The following PADI6 variants were observed in gnomAD, a reference collection of about 807,000 sequenced individuals.
The protein encoded by PADI6 is inactive protein-arginine deiminase type-6.
PADI6 carries 66 observed loss-of-function variants against 78.2 expected under a neutral mutation model. The observed-to-expected ratio is 0.84, with a 90% CI of 0.69 to 1.04. PADI6 has a LOEUF of 1.04. Among genes scored for constraint, PADI6 ranks in the 50% least tolerant of loss-of-function variants. The pLI is 0.00. For synonymous variants in PADI6, 397 were observed against 346.9 expected (o/e 1.14, Z -1.60); for missense variants, 854 against 866.1 (o/e 0.99, Z 0.18).
chr1:17,385,905 C>T (rs896447405), intron 6 of PADI6, among the ~76,000 whole-genome samples: 5 of 152,300 alleles, frequency 3.3e-5, no homozygotes, highest in African/African-American at 1.2e-4. Flanking sequence ...AAAAGCTCAG[C>T]TCAAATCATC....
chr1:17,386,394 A>G (rs1478919160), intron 6 of PADI6, among the ~76,000 whole-genome samples: 1 of 152,132 alleles, frequency 6.6e-6, no homozygotes, highest in Non-Finnish European at 1.5e-5. Flanking sequence ...ACAGACTGTG[A>G]CCCTCTCGCC....
At chr1:17,383,985 C>T (rs60551929) in intron 6 of PADI6, among the ~76,000 whole-genome samples, 1,582 of 151,598 alleles carry the variant, frequency 0.01, 29 homozygotes, top group African/African-American at 0.036. Flanking sequence ...CACATCTCTA[C>T]TAAAAAATAC....
chr1:17,388,579 G>T lies in PADI6; in HGVS notation c.858+20G>T. 2.5e-6 allele frequency: 4 copies of T among 1,588,594 alleles called. No individual in the cohort carries two copies. Among genetic ancestry groups the T allele is most frequent in the East Asian group, 2.2e-5 (1 of 44,632 alleles). The stretch of plus-strand genomic sequence containing the variant: ...GACCCGGTATGTCCCCATAATAGAT[G>T]GGTCCTCAGACTAGGATGCTCCGGT... On this transcript the variant is annotated intron_variant, in intron 7 of 15. Transcript: ENST00000619609.
chr1:17,373,560 C>T (rs902487313), intron 2 of PADI6, among the ~76,000 whole-genome samples: 2 of 151,840 alleles, frequency 1.3e-5, no homozygotes, highest in East Asian at 1.9e-4. Context: ...GGCACAATCT[C>T]AGCTCACTGC....
Position 17,401,306 on chromosome 1 carries a change from G to A in PADI6, c.1953G>A (p.Leu651=), listed in dbSNP as rs768470211. ...CCLEEKICCL[L]EPLGFKCTFI... ...TGGAAGAAAAGATTTGCTGCTTGCT[G>A]GAGCCCCTGGGCTTCAAGTGCACCT... The change falls in exon 16 of 16, where the codon CTG becomes CTA. Residue 651 remains leucine, a synonymous_variant. Coordinates refer to ENST00000619609, the MANE Select transcript of PADI6 (RefSeq NM_207421.4). 5.0e-5 allele frequency: 80 copies of A among 1,613,966 alleles called. No individual in the cohort carries two copies. The highest frequency in any genetic ancestry group is 4.3e-4 in the African/African-American group (32 of 74,950).
In PADI6 at chr1:17,388,368, C is replaced by T. The variant is rs142556606; in HGVS notation, c.680-13C>T. 7 of 1,598,948 alleles carry T rather than the reference C, an allele frequency of 4.4e-6. No individual in the cohort carries two copies. Among genetic ancestry groups the T allele is most frequent in the Middle Eastern group, 1.7e-4 (1 of 5,894 alleles). On this transcript the variant is annotated splice_polypyrimidine_tract_variant and intron_variant, in intron 6 of 15. Transcript: ENST00000619609. ...TACTTCAGTGGCTGGTCCATCCCTT[C>T]TTTCTCTCCTAGAAGACAACTCCAG...
chr1:17,373,046 G>C lies in PADI6; in HGVS notation c.117-10G>C. The C allele has an allele frequency of 6.2e-7, 1 of 1,612,058 alleles. No homozygotes were observed. The highest frequency in any genetic ancestry group is 1.1e-5 in the South Asian group (1 of 91,026). ...GTGCCCTGACGCGTGTCTCTTACCG[G>C]GCAAACCAGGTGTGCCCCCCAGAAG... On this transcript the variant is annotated splice_polypyrimidine_tract_variant and intron_variant, in intron 1 of 15. Coordinates refer to ENST00000619609, the MANE Select transcript of PADI6 (RefSeq NM_207421.4).
intron 8 of PADI6, among the ~76,000 whole-genome samples, chr1:17,390,120 T>TAA (rs1340618608): frequency 2.6e-5 from 4 of 151,358 alleles, no homozygotes; most frequent in Middle Eastern, 3.4e-3. Context: ...GCCAACATGG[T>TAA]AAAACCCCGT....
At chr1:17,390,112 C>CA (rs1461895967) in intron 8 of PADI6, among the ~76,000 whole-genome samples, 1 of 151,744 alleles carries the variant, frequency 6.6e-6, no homozygotes, top group African/African-American at 2.4e-5. Flanking sequence ...CCAGCCTGGC[C>CA]AACATGGTAA....
At chr1:17,376,741 G>C (rs1039502193) in intron 3 of PADI6, among the ~76,000 whole-genome samples, 1 of 152,006 alleles carries the variant, frequency 6.6e-6, no homozygotes, top group Non-Finnish European at 1.5e-5. Context: ...TCTTCCTGAG[G>C]AGCCATCTGT....
At position 17,395,013 on chromosome 1, in the gene PADI6, C is replaced by A. The variant is rs771218817; in HGVS notation, c.1400C>A (p.Ala467Glu). 1 of 1,613,618 alleles carries A rather than the reference C, an allele frequency of 6.2e-7. No individual in the cohort carries two copies. The highest frequency in any genetic ancestry group is 8.5e-7 in the Non-Finnish European group (1 of 1,179,900). Residue 467 changes from alanine (A) to glutamate (E), a missense_variant, in exon 12 of 16, where the codon GCG becomes GAG. By Grantham distance (107) the Ala-to-Glu change is moderately radical (BLOSUM62 -1). Transcript: ENST00000619609. ...RDFLYAQQVQ[A>E]PVELYSDWLM... ...TTCCTCTATGCCCAGCAGGTCCAAGCGCCGGTGGAGCTCTACTCAGATTGG... is the reference window on the plus strand; with the variant it reads ...TTCCTCTATGCCCAGCAGGTCCAAGAGCCGGTGGAGCTCTACTCAGATTGG...
chr1:17,372,426 C>T (rs1016130309), intron 1 of PADI6, 65 bp downstream of exon 1: 9 of 1,453,960 alleles, frequency 6.2e-6, no homozygotes, highest in Non-Finnish European at 8.7e-6. Context: ...GGACCCAGTC[C>T]CCTTGATCTG....
At chr1:17,400,792 C>T (rs938267794) in intron 15 of PADI6, among the ~76,000 whole-genome samples, 1 of 152,150 alleles carries the variant, frequency 6.6e-6, no homozygotes, top group Non-Finnish European at 1.5e-5. Context: ...TGGGTGTCTT[C>T]TAACTTGATC....
At chr1:17,383,216 T>C (rs567901680) in intron 6 of PADI6, among the ~76,000 whole-genome samples, 2 of 152,186 alleles carry the variant, frequency 1.3e-5, no homozygotes, top group Non-Finnish European at 2.9e-5. Context: ...CCCCTGCCAC[T>C]TCCTGGTCTA....
chr1:17,388,472 C>G lies in PADI6; in HGVS notation c.771C>G (p.Phe257Leu), dbSNP rs767003759. The part of the protein sequence containing the change: ...ALLGNHLKET[F>L]YVEAIAFPSA... Reference sequence around the variant, plus strand: ...TCGGGAACCACTTGAAGGAGACTTTCTACGTTGAAGCTATAGCATTCCCAT... The same window carrying G: ...TCGGGAACCACTTGAAGGAGACTTTGTACGTTGAAGCTATAGCATTCCCAT... The change falls in exon 7 of 16, where the codon TTC becomes TTG. Residue 257 changes from phenylalanine to leucine, a missense_variant. Transcript: ENST00000619609. 1 of 1,613,680 alleles carries G rather than the reference C, an allele frequency of 6.2e-7. No homozygotes were observed.
chr1:17,400,223 A>G (rs1053746670), intron 15 of PADI6, among the ~76,000 whole-genome samples: 1 of 142,184 alleles, frequency 7.0e-6, no homozygotes, highest in Non-Finnish European at 1.5e-5. Flanking sequence ...AAAAAAAAAA[A>G]CATTCTGGGG....
At chr1:17,372,952 A>G in intron 1 of PADI6, 104 bp from the exon 2 acceptor site, 1 of 1,217,092 alleles carries the variant, frequency 8.2e-7, no homozygotes, top group Non-Finnish European at 1.2e-6. Context: ...TCAACACCCT[A>G]AGGAGAATGA....
intron 6 of PADI6, among the ~76,000 whole-genome samples, chr1:17,386,385 CAG>C (rs1193314379): frequency 3.9e-5 from 6 of 152,222 alleles, no homozygotes; most frequent in African/African-American, 7.2e-5. Flanking sequence ...TTGTGGCAAA[CAG>C]ACTGTGACCC....
At chr1:17,382,139 C>A in intron 6 of PADI6, 47 bp downstream of exon 6, 1 of 1,603,520 alleles carries the variant, frequency 6.2e-7, no homozygotes, top group Non-Finnish European at 8.5e-7. Context: ...CTCGACGTGC[C>A]AGGCAAGTTG....
Sources: gnomAD v4.1 joint callset for allele counts (sites outside exome capture counted in the v4.1 genomes callset) on GRCh38, gnomAD v4.1.1 for gene constraint, MANE v1.5 for transcripts, NCBI Gene and HGNC (gene_info 2026-07-23, HGNC 2026-07-21) for gene names.